The following IGFL2 variants were observed in gnomAD, a reference collection of about 807,000 sequenced individuals.
IGFL2 encodes IGF like family member 2.
Under a neutral mutation model 13.9 loss-of-function variants are expected in IGFL2, and 7 were observed. That is an observed-to-expected ratio of 0.51 (90% confidence interval 0.29 to 0.95). The LOEUF (loss-of-function observed/expected upper bound fraction) is 0.95. Among genes scored for constraint, IGFL2 ranks in the 40% least tolerant of loss-of-function variants. The pLI is 0.08. For synonymous variants in IGFL2, 55 were observed against 55.8 expected, an observed-to-expected ratio of 0.99 and a Z score of 0.07; for missense variants, 138 against 147.8, an observed-to-expected ratio of 0.93 and a Z score of 0.34.
At chr19:46,171,832 AGT>A in the IGFL2 span, among the ~76,000 whole-genome samples, 1 of 152,246 alleles carries the variant, frequency 6.6e-6, no homozygotes, top group Non-Finnish European at 1.5e-5. Context: ...ATTCAGGAAA[AGT>A]GAGAATTTTT....
In IGFL2 at chr19:46,160,819, G is replaced by A. The variant is rs766485757; in HGVS notation, c.279G>A (p.Lys93=). 5.0e-6 allele frequency: 8 copies of A among 1,613,990 alleles called. No individual in the cohort carries two copies. The highest frequency in any genetic ancestry group is 6.8e-6 in the Non-Finnish European group (8 of 1,179,890). ...GCCTCACAAACGATTTTGTTGTGAA[G>A]CTGAAGGTTCAGGGTGTGAATTCCC... ...SFGLTNDFVV[K]LKVQGVNSQC... The change falls in exon 3 of 4, where the codon AAG becomes AAA. Residue 93 remains lysine (K), a synonymous_variant. Coordinates refer to ENST00000377693, the MANE Select transcript of IGFL2 (RefSeq NM_001135113.2).
At chr19:46,122,745 C>T in the IGFL2 span, among the ~76,000 whole-genome samples, 2,057 of 151,014 alleles carry the variant, frequency 0.014, 68 homozygotes, top group Middle Eastern at 0.031. Flanking sequence ...TTTTACATTA[C>T]ACGTATTACC....
At chr19:46,084,907 A>G in the IGFL2 span, among the ~76,000 whole-genome samples, 6 of 152,162 alleles carry the variant, frequency 3.9e-5, no homozygotes, top group African/African-American at 1.2e-4. Flanking sequence ...AAATACAACC[A>G]TGCCTTCCCA....
the IGFL2 span, among the ~76,000 whole-genome samples, chr19:46,120,786 C>CA: frequency 6.6e-6 from 1 of 150,526 alleles, no homozygotes; most frequent in Non-Finnish European, 1.5e-5. Context: ...ATGTATATTT[C>CA]AAAACTATTA....
the IGFL2 span, among the ~76,000 whole-genome samples, chr19:46,135,208 A>G: frequency 5.9e-5 from 9 of 152,182 alleles, no homozygotes; most frequent in African/African-American, 1.9e-4. Flanking sequence ...ATTGACTAAC[A>G]CTATTAATGA....
the IGFL2 span, chr19:46,198,304 G>A: frequency 2.0e-5 from 3 of 151,566 alleles, no homozygotes; most frequent in African/African-American, 7.3e-5. Context: ...TGTAAAGACT[G>A]GATTTTGCCA....
At chr19:46,165,651 C>A (rs1296749625), downstream of IGFL2, among the ~76,000 whole-genome samples, 1 of 152,236 alleles carries the variant, frequency 6.6e-6, no homozygotes, top group Non-Finnish European at 1.5e-5. Flanking sequence ...GCAAGAGGGA[C>A]AGGGCCCGAT....
At chr19:46,214,649 C>T in the IGFL2 span, 1 of 152,040 alleles carries the variant, frequency 6.6e-6, no homozygotes, top group African/African-American at 2.4e-5. Context: ...CTCATGTCCT[C>T]CAGACCCCTG....
chr19:46,210,204 C>A, the IGFL2 span: 1 of 152,272 alleles, frequency 6.6e-6, no homozygotes, highest in African/African-American at 2.4e-5. Context: ...CAGATAACAT[C>A]CACGGTGCTA....
At chr19:46,079,559 C>G in the IGFL2 span, among the ~76,000 whole-genome samples, 1 of 152,158 alleles carries the variant, frequency 6.6e-6, no homozygotes, top group Non-Finnish European at 1.5e-5. Flanking sequence ...GATCCCCCAG[C>G]CAGCCACCCG....
chr19:46,114,841 A>G, the IGFL2 span, among the ~76,000 whole-genome samples: 1 of 152,200 alleles, frequency 6.6e-6, no homozygotes, highest in Non-Finnish European at 1.5e-5. Context: ...GCAGTGTGAA[A>G]ATTGACTAAT....
chr19:46,166,726 T>C, the IGFL2 span, among the ~76,000 whole-genome samples: 1 of 152,176 alleles, frequency 6.6e-6, no homozygotes, highest in Non-Finnish European at 1.5e-5. Context: ...GCATTCTCTT[T>C]CTCAGGGACG....
At chr19:46,085,133 C>A in the IGFL2 span, among the ~76,000 whole-genome samples, 1 of 152,108 alleles carries the variant, frequency 6.6e-6, no homozygotes, top group Non-Finnish European at 1.5e-5. Context: ...GTTTGAAACC[C>A]AGCAGGGCAG....
the IGFL2 span, among the ~76,000 whole-genome samples, chr19:46,116,672 G>A: frequency 6.6e-6 from 1 of 152,112 alleles, no homozygotes; most frequent in Non-Finnish European, 1.5e-5. Flanking sequence ...CTACTGAAGC[G>A]GGCCAATTAG....
the IGFL2 span, among the ~76,000 whole-genome samples, chr19:46,107,097 A>C: frequency 6.6e-6 from 1 of 152,294 alleles, no homozygotes; most frequent in South Asian, 2.1e-4. Context: ...AGTTGGCACC[A>C]GAGTGGGGGA....
chr19:46,176,143 G>A, the IGFL2 span, among the ~76,000 whole-genome samples: 89 of 144,280 alleles, frequency 6.2e-4, 1 homozygote, highest in African/African-American at 2.1e-3. Context: ...GTGAGCCACC[G>A]TTCCCAGCCC....
chr19:46,131,478 ATTGT>A, the IGFL2 span, among the ~76,000 whole-genome samples: 5 of 152,220 alleles, frequency 3.3e-5, no homozygotes, highest in Non-Finnish European at 5.9e-5. Context: ...TTTTGTAAAC[ATTGT>A]TTGGCTTTGG....
chr19:46,195,875 C>T, the IGFL2 span: 240 of 152,390 alleles, frequency 1.6e-3, 1 homozygote, highest in Non-Finnish European at 2.6e-3. Context: ...ACCCTCAGTC[C>T]GTGTCTCGAC....
intron 1 of IGFL2, chr19:46,149,135 A>G: frequency 1.2e-6 from 1 of 823,662 alleles, no homozygotes; most frequent in Non-Finnish European, 2.0e-6. Context: ...TTTTTGGGCA[A>G]CCATCTCTCT....
Sources: allele counts gnomAD v4.1 joint callset (sites outside exome capture counted in the v4.1 genomes callset), GRCh38; gene constraint gnomAD v4.1.1; transcripts MANE v1.5; gene names NCBI Gene and HGNC (gene_info 2026-07-23, HGNC 2026-07-21).